NELL2: variants seen among roughly 807,000 people sequenced by gnomAD.
The protein encoded by NELL2 is neural EGFL like 2.
NELL2 carries 41 observed loss-of-function variants against 109.6 expected under a neutral mutation model. The observed-to-expected ratio is 0.37, with a 90% CI of 0.29 to 0.49. NELL2 has a LOEUF of 0.49. Ranked by LOEUF, NELL2 falls within the 20% of genes least tolerant of loss-of-function variation. NELL2 has a pLI of 0.98. For missense variants in NELL2, 900 were observed against 1,008.3 expected (o/e 0.89, Z 1.45); for synonymous variants, 355 against 344.7 (o/e 1.03, Z -0.33).
At chr12:44,898,414 C>A (rs1033507218) in intron 1 of NELL2, among the ~76,000 whole-genome samples, 1 of 152,156 alleles carries the variant, frequency 6.6e-6, no homozygotes, top group South Asian at 2.1e-4. Context: ...AAGGAGCAGG[C>A]AGCAAACTCT....
At chr12:44,884,602 A>C (rs1191128861) in intron 1 of NELL2, among the ~76,000 whole-genome samples, 1 of 152,056 alleles carries the variant, frequency 6.6e-6, no homozygotes, top group Non-Finnish European at 1.5e-5. Flanking sequence ...TAAAACTAGA[A>C]CATAGACTCT....
intron 1 of NELL2, among the ~76,000 whole-genome samples, chr12:44,895,939 C>G (rs139096720): frequency 1.3e-5 from 2 of 152,052 alleles, no homozygotes; most frequent in African/African-American, 4.8e-5. Flanking sequence ...TATACATTTG[C>G]AAATAAAACA....
chr12:44,776,941 TAAG>T (rs1941778722), intron 7 of NELL2, 98 bp downstream of exon 7: 2 of 993,370 alleles, frequency 2.0e-6, no homozygotes, highest in South Asian at 2.7e-5. Flanking sequence ...CAGTATAGTA[TAAG>T]AAGAGCCTCG....
chr12:44,535,132 G>T (rs1942238111), intron 15 of NELL2, among the ~76,000 whole-genome samples: 1 of 151,946 alleles, frequency 6.6e-6, no homozygotes, highest in Non-Finnish European at 1.5e-5. Flanking sequence ...ATACAAGCAT[G>T]TGCCTGCCCA....
At chr12:44,827,728 G>A (rs530742310) in intron 2 of NELL2, among the ~76,000 whole-genome samples, 1 of 152,188 alleles carries the variant, frequency 6.6e-6, no homozygotes, top group Admixed American at 6.5e-5. Context: ...GGACATTTTG[G>A]TTGCTTTCAA....
chr12:44,508,640 G>A lies in NELL2; in HGVS notation c.*294C>T. On this transcript the variant is annotated 3_prime_UTR_variant, in exon 20 of 20. Transcript: ENST00000429094. ...AGCTAGAGGCTTTCACAGATCCAAT[G>A]GGCTCAGGCTTTCTATCCAGGGTTC... The A allele has an allele frequency of 4.2e-6, 1 of 240,212 alleles. No individual in the cohort carries two copies. Among genetic ancestry groups the A allele is most frequent in the Non-Finnish European group, 8.0e-6 (1 of 125,280 alleles). The allele number at this position is 240,212 out of a possible 1,614,324, so 14.9% of individuals were successfully genotyped here. A position where few individuals can be genotyped will look rare whatever the true frequency, so the allele number is the denominator to read the frequency against.
intron 7 of NELL2, 95 bp from the exon 8 acceptor site, chr12:44,776,245 G>T: frequency 1.5e-6 from 2 of 1,308,288 alleles, no homozygotes; most frequent in Non-Finnish European, 1.1e-6. Context: ...AAAGTATGTA[G>T]CAATGATGAT....
chr12:44,777,807 A>T (rs976365302), intron 5 of NELL2, among the ~76,000 whole-genome samples: 12 of 152,224 alleles, frequency 7.9e-5, no homozygotes, highest in African/African-American at 2.9e-4. Flanking sequence ...TCTCAATTTA[A>T]AAAGGACAAT....
At chr12:44,870,455 C>T (rs1754955398) in intron 2 of NELL2, among the ~76,000 whole-genome samples, 1 of 152,150 alleles carries the variant, frequency 6.6e-6, no homozygotes, top group South Asian at 2.1e-4. Flanking sequence ...TATTGCTGCT[C>T]AAACAAATCA....
intron 2 of NELL2, among the ~76,000 whole-genome samples, chr12:44,854,684 G>GGATGGA (rs1944628847): frequency 9.9e-5 from 14 of 140,892 alleles, no homozygotes; most frequent in East Asian, 8.7e-4. Context: ...GGATGGATGG[G>GGATGGA]TGGATGGATG....
At chr12:44,852,948 A>G (rs570777787) in intron 2 of NELL2, among the ~76,000 whole-genome samples, 1 of 152,158 alleles carries the variant, frequency 6.6e-6, no homozygotes, top group African/African-American at 2.4e-5. Context: ...AAATTTTTGT[A>G]GCAACTTTTA....
At chr12:44,531,760 C>G (rs1942071803) in intron 16 of NELL2, among the ~76,000 whole-genome samples, 1 of 152,192 alleles carries the variant, frequency 6.6e-6, no homozygotes, top group South Asian at 2.1e-4. Flanking sequence ...CCCCATTATC[C>G]TCTCAGGCTC....
At chr12:44,528,097 CAAAAAAAAAAAAAAA>C (rs71093812) in intron 16 of NELL2, among the ~76,000 whole-genome samples, 24 of 22,004 alleles carry the variant, frequency 1.1e-3, no homozygotes, top group Admixed American at 3.9e-3. Flanking sequence ...GACTCCGTCT[CAAAAAAAAAAAAAAA>C]AAAAAAAAAA....
At chr12:44,585,585 C>T (rs953634638) in intron 15 of NELL2, among the ~76,000 whole-genome samples, 10 of 151,996 alleles carry the variant, frequency 6.6e-5, no homozygotes, top group East Asian at 1.9e-4. Context: ...TTCTCAAGAA[C>T]GAGACAGAAC....
intron 3 of NELL2, among the ~76,000 whole-genome samples, chr12:44,813,626 G>C (rs1251552490): frequency 6.6e-6 from 1 of 152,108 alleles, no homozygotes; most frequent in Non-Finnish European, 1.5e-5. Flanking sequence ...GTAAGGGGTT[G>C]ATTAAACAAA....
intron 16 of NELL2, among the ~76,000 whole-genome samples, chr12:44,524,672 A>T (rs1345513613): frequency 2.0e-5 from 3 of 151,934 alleles, no homozygotes; most frequent in African/African-American, 7.3e-5. Context: ...GCCACAGGAC[A>T]TTTTTTTTCT....
At chr12:44,687,263 C>T (rs1476290356) in intron 12 of NELL2, among the ~76,000 whole-genome samples, 1 of 152,190 alleles carries the variant, frequency 6.6e-6, no homozygotes, top group East Asian at 1.9e-4. Context: ...CCTGCTTTGG[C>T]TCGCCCATGG....
At chr12:44,919,839 C>G (rs2136899546) in intron 1 of NELL2, among the ~76,000 whole-genome samples, 1 of 152,304 alleles carries the variant, frequency 6.6e-6, no homozygotes, top group South Asian at 2.1e-4. Context: ...TTTGCCATGG[C>G]TGCCCTAGCA....
In NELL2 at chr12:44,703,839, G is replaced by C; in HGVS notation, c.1205C>G (p.Ser402Cys). 1 of 1,611,370 alleles carries C rather than the reference G, an allele frequency of 6.2e-7. No individual in the cohort carries two copies. The highest frequency in any genetic ancestry group is 8.5e-7 in the Non-Finnish European group (1 of 1,178,930). The change falls in exon 12 of 20, where the codon TCT becomes TGT. Residue 402 changes from serine (S) to cysteine (C), a missense_variant. Around this residue, in one of 4 missense-constraint regions of NELL2, gnomAD observed 292 missense variants for 265.3 expected, o/e 1.10. Coordinates refer to ENST00000429094, the MANE Select transcript of NELL2 (RefSeq NM_001145108.2). Reference sequence around the variant, plus strand: ...ATTCTCCATGCAGTTATGCCTTTCAGAACAAAAGTCATAACCTACAGAAAA... The same window carrying C: ...ATTCTCCATGCAGTTATGCCTTTCACAACAAAAGTCATAACCTACAGAAAA... ...CKVCKGYDFC[S>C]ERHNCMENSI...
Sources: gnomAD v4.1 joint callset for allele counts (sites outside exome capture counted in the v4.1 genomes callset) on GRCh38, gnomAD v4.1.1 for gene constraint, gnomAD v4.1.1 regional missense constraint, MANE v1.5 for transcripts, NCBI Gene and HGNC (gene_info 2026-07-23, HGNC 2026-07-21) for gene names.